Variants in S100A7 observed in about 807,000 individuals in gnomAD.
S100A7 encodes the protein protein S100-A7.
Under a neutral mutation model 3.8 loss-of-function variants are expected in S100A7, and 2 were observed. The observed-to-expected ratio is 0.53, with a 90% CI of 0.22 to 1.67. The LOEUF (loss-of-function observed/expected upper bound fraction) is 1.67, where lower values mean the gene tolerates loss of function less well. S100A7 is among the 40% of genes most tolerant of loss of function. S100A7 has a pLI of 0.20. For synonymous variants in S100A7, 55 were observed against 45.9 expected (o/e 1.20, Z -0.80); for missense variants, 130 against 126.3 (o/e 1.03, Z -0.14).
At chr1:153,459,546 C>A (rs182958270) in intron 1 of S100A7, among the ~76,000 whole-genome samples, 2 of 152,144 alleles carry the variant, frequency 1.3e-5, no homozygotes, top group Non-Finnish European at 2.9e-5. Context: ...CTGCATGACA[C>A]GGTGTGTGCA....
At chr1:153,459,180 T>G (rs1663761778) in intron 1 of S100A7, 150 bp from the exon 2 acceptor site, 1 of 966,986 alleles carries the variant, frequency 1.0e-6, no homozygotes, top group South Asian at 1.8e-5. Flanking sequence ...ATGGGATAAG[T>G]TGCTCAAAAA....
At chr1:153,459,612 G>A (rs1262190136) in intron 1 of S100A7, among the ~76,000 whole-genome samples, 1 of 152,142 alleles carries the variant, frequency 6.6e-6, no homozygotes, top group Non-Finnish European at 1.5e-5. Flanking sequence ...ACACAGTCCT[G>A]TCCCGAGCAC....
At chr1:153,458,477 G>A (rs771260825) in intron 2 of S100A7, among the ~76,000 whole-genome samples, 4 of 151,996 alleles carry the variant, frequency 2.6e-5, no homozygotes, top group African/African-American at 4.8e-5. Flanking sequence ...AATGAGTCTT[G>A]TTTATTGCAA....
chr1:153,457,885 A>T lies in S100A7; in HGVS notation c.227T>A (p.Leu76Gln). The T allele has an allele frequency of 4.3e-6, 7 of 1,614,226 alleles. No homozygotes were observed. The highest frequency in any genetic ancestry group is 5.9e-6 in the Non-Finnish European group (7 of 1,180,046). The change falls in exon 3 of 3, where the codon CTG (leucine) becomes CAG (glutamine). Residue 76 changes from leucine (L) to glutamine (Q), a missense_variant. Leu to Gln is a moderately radical substitution (Grantham distance 113). Transcript: ENST00000368723. The stretch of plus-strand genomic sequence containing the variant: ...TGTGGCTATGTCTCCCAGCAAGGAC[A>T]GAAACTCAGAAAAATCAATCTTCTT... ...EDKKIDFSEF[L>Q]SLLGDIATDY...
At chr1:153,458,649 C>T (rs1310348642) in intron 2 of S100A7, among the ~76,000 whole-genome samples, 1 of 152,194 alleles carries the variant, frequency 6.6e-6, no homozygotes, top group Non-Finnish European at 1.5e-5. Flanking sequence ...GCACTGCCCT[C>T]AAGCTGCACA....
intron 1 of S100A7, 130 bp downstream of exon 1, chr1:153,460,478 G>A (rs1248760438): frequency 1.6e-6 from 1 of 610,224 alleles, no homozygotes; most frequent in Admixed American, 2.4e-5. Context: ...ACACAGCCCA[G>A]CTAATGGCAG....
intron 1 of S100A7, among the ~76,000 whole-genome samples, chr1:153,459,534 C>T (rs1416859067): frequency 1.3e-5 from 2 of 152,178 alleles, no homozygotes; most frequent in Admixed American, 6.5e-5. Context: ...CAAGTGCAAG[C>T]CCTGCATGAC....
intron 1 of S100A7, 88 bp from the exon 2 acceptor site, chr1:153,459,118 G>C: frequency 1.4e-6 from 2 of 1,460,794 alleles, no homozygotes; most frequent in Non-Finnish European, 1.9e-6. Context: ...TGAGGACAGA[G>C]TAAAAACACG....
At position 153,457,827 on chromosome 1, in the gene S100A7, G is replaced by C. The variant is rs775120165; in HGVS notation, c.285C>G (p.Pro95=). Residue 95 remains proline, a synonymous_variant, in exon 3 of 3, where the codon CCC becomes CCG. Transcript: ENST00000368723. The part of the protein sequence containing the change: ...DYHKQSHGAA[P]CSGGSQ ...TGGGTCACTGGCTGCCCCCGGAACA[G>C]GGCGCTGCTCCATGGCTCTGCTTGT... The C allele has an allele frequency of 3.1e-6, 5 of 1,614,212 alleles. No individual in the cohort carries two copies. The South Asian group carries it at 5.5e-5, about 18-fold the overall frequency.
intron 1 of S100A7, among the ~76,000 whole-genome samples, chr1:153,460,252 C>G (rs1289583621): frequency 6.6e-6 from 1 of 152,226 alleles, no homozygotes; most frequent in Non-Finnish European, 1.5e-5. Context: ...AGCCCTCCAC[C>G]CTCTGTGGAG....
chr1:153,458,073 G>T, intron 2 of S100A7, 103 bp from the exon 3 acceptor site: 2 of 1,310,110 alleles, frequency 1.5e-6, no homozygotes, highest in Non-Finnish European at 1.1e-6. Context: ...ACCTAGATCT[G>T]CACAGGCATG....
chr1:153,459,199 T>A (rs1013688092), intron 1 of S100A7, among the ~76,000 whole-genome samples, 169 bp from the exon 2 acceptor site: 2 of 151,998 alleles, frequency 1.3e-5, no homozygotes, highest in African/African-American at 4.8e-5. Flanking sequence ...AATGAGAGGG[T>A]AGGACCAAGT....
In S100A7 at chr1:153,457,924, T is replaced by C; in HGVS notation, c.188A>G (p.Asp63Gly). ...ATCAATCTTCTTATCCTCATTCTTG[T>C]CCTTTTTCTCAAAGACATCGGCGAG... ...NYLADVFEKK[D>G]KNEDKKIDFS... is the part of the protein sequence containing the mutation. The change falls in exon 3 of 3, where the codon GAC (aspartate) becomes GGC (glycine). Residue 63 changes from aspartate to glycine, a missense_variant. Physicochemically the swap from Asp to Gly is moderately conservative, Grantham distance 94. Coordinates refer to ENST00000368723, the MANE Select transcript of S100A7 (RefSeq NM_002963.4). 1 of 1,614,164 alleles carries C rather than the reference T, an allele frequency of 6.2e-7. No individual in the cohort carries two copies. Among genetic ancestry groups the C allele is most frequent in the Non-Finnish European group, 8.5e-7 (1 of 1,180,028 alleles).
chr1:153,459,375 A>AC (rs1476928988), intron 1 of S100A7, among the ~76,000 whole-genome samples: 1 of 152,138 alleles, frequency 6.6e-6, no homozygotes, highest in African/African-American at 2.4e-5. Context: ...CACATGGCAG[A>AC]CCCCACTCTT....
Position 153,458,957 on chromosome 1 carries a change from T to C in S100A7, c.57A>G (p.Lys19=). 1 of 1,614,098 alleles carries C rather than the reference T, an allele frequency of 6.2e-7. No homozygotes were observed. Among genetic ancestry groups the C allele is most frequent in the East Asian group, 2.2e-5 (1 of 44,874 alleles). ...CAATCTTGTCATCACGTCTGGTGTA[T>C]TTGTGAAACATGTCGATCATGCCTA... ...SIIGMIDMFH[K]YTRRDDKIEK... Residue 19 remains lysine (K), a synonymous_variant, in exon 2 of 3, where the codon AAA becomes AAG. Transcript: ENST00000368723.
At chr1:153,459,831 T>C (rs1391714522) in intron 1 of S100A7, 1 of 152,212 alleles carries the variant, frequency 6.6e-6, no homozygotes, top group Non-Finnish European at 1.5e-5. Context: ...CCAAAGCAGA[T>C]CTTTCAGCCA....
chr1:153,459,424 G>A (rs886598541), intron 1 of S100A7, among the ~76,000 whole-genome samples: 9 of 152,190 alleles, frequency 5.9e-5, no homozygotes, highest in South Asian at 2.1e-4. Context: ...CTTCACAGTC[G>A]GGGTGACAGT....
chr1:153,459,082 C>G, intron 1 of S100A7, 52 bp from the exon 2 acceptor site: 1 of 1,587,536 alleles, frequency 6.3e-7, no homozygotes, highest in South Asian at 1.2e-5. Context: ...GTTAGGGTCT[C>G]TATTTGGGAG....
Position 153,457,838 on chromosome 1 carries a change from C to A in S100A7, c.274G>T (p.Gly92Ter). The A allele has an allele frequency of 2.5e-6, 4 of 1,614,138 alleles. No individual in the cohort carries two copies. Among genetic ancestry groups the A allele is most frequent in the Non-Finnish European group, 3.4e-6 (4 of 1,180,030 alleles). ...IATDYHKQSH[G>*]AAPCSGGSQ ...CTGCCCCCGGAACAGGGCGCTGCTC[C>A]ATGGCTCTGCTTGTGGTAGTCTGTG... The change falls in exon 3 of 3, where the codon GGA becomes TGA. Residue 92 changes from glycine to a stop codon, truncating the protein, a stop_gained. Transcript: ENST00000368723. LOFTEE classifies it high-confidence loss of function.
Sources: allele counts gnomAD v4.1 joint callset (sites outside exome capture counted in the v4.1 genomes callset), GRCh38; gene constraint gnomAD v4.1.1; transcripts MANE v1.5; gene names NCBI Gene and HGNC (gene_info 2026-07-23, HGNC 2026-07-21).